Variants in GTF2IRD2 observed in about 807,000 individuals in gnomAD.
GTF2IRD2 encodes general transcription factor II-I repeat domain-containing protein 2A.
Under a neutral mutation model 49.2 loss-of-function variants are expected in GTF2IRD2, and 8 were observed. The ratio of observed to expected loss-of-function variants is 0.16; its 90% CI spans 0.10 to 0.29. The LOEUF (loss-of-function observed/expected upper bound fraction) is 0.29. Among genes scored for constraint, GTF2IRD2 ranks in the 10% least tolerant of loss-of-function variants. The pLI is 1.00. For missense variants in GTF2IRD2, 130 were observed against 725.7 expected, an observed-to-expected ratio of 0.18 and a Z score of 9.43; for synonymous variants, 47 against 289.7, an observed-to-expected ratio of 0.16 and a Z score of 8.51.
At chr7:74,846,568 C>G (rs1801317927) in intron 1 of GTF2IRD2, among the ~76,000 whole-genome samples, 2 of 124,158 alleles carry the variant, frequency 1.6e-5, no homozygotes, top group African/African-American at 3.0e-5. Context: ...TCCCTTACAA[C>G]CTTTCATCAT....
At position 74,796,853 on chromosome 7, in the gene GTF2IRD2, TTC is replaced by T; in HGVS notation, c.2657_2658del (p.Gly886AspfsTer11). 2 of 594,702 alleles carry T rather than the reference TTC, an allele frequency of 3.4e-6. No individual in the cohort carries two copies. The highest frequency in any genetic ancestry group is 6.0e-6 in the Non-Finnish European group (2 of 332,314). 36.8% of individuals were successfully genotyped at this position (594,702 alleles called of 1,614,324 possible). On this transcript the variant is annotated frameshift_variant, in exon 16 of 16. Coordinates refer to ENST00000451013, the MANE Select transcript of GTF2IRD2 (RefSeq NM_173537.5). LOFTEE classifies it high-confidence loss of function. The stretch of plus-strand genomic sequence containing the variant: ...CAGAGGTACTTGTAGAATTCTGGTA[TTC>T]CCACCTTGTCGTATTTCGTCTTCAG... ...TVLKTKYDKVGIPEFYKYLWG... is the reference protein window; with the variant it reads ...TVLKTKYDKVXIPEFYKYLWG...
chr7:74,822,053 T>G (rs1554418716), intron 6 of GTF2IRD2: 5 of 342,232 alleles, frequency 1.5e-5, no homozygotes, highest in East Asian at 7.4e-5. Context: ...CAAGTTTTGT[T>G]TTTTTTTTTT....
In GTF2IRD2 at chr7:74,850,512, G is replaced by A. The variant is rs1801521832; in HGVS notation, c.-6+855C>T. 4.3e-5 allele frequency among the ~76,000 whole-genome samples: 2 copies of A among 46,920 alleles called. 1 individual carries two copies. The highest frequency in any genetic ancestry group is 8.1e-5 in the Non-Finnish European group (2 of 24,664). The allele number at this position is 46,920 out of a possible 152,430, so 30.8% of individuals were successfully genotyped here. On this transcript the variant is annotated intron_variant, in intron 1 of 15. Transcript: ENST00000451013. ...TGGGATGATTCTATCCACACAAAAT[G>A]TCCAGAATAGGCAAATCCACGGAGA...
intron 1 of GTF2IRD2, among the ~76,000 whole-genome samples, chr7:74,839,553 GGGAGA>G (rs1800599947): frequency 1.2e-5 from 1 of 84,718 alleles, no homozygotes; most frequent in Non-Finnish European, 2.2e-5. Flanking sequence ...TAGCATCCCC[GGGAGA>G]GAAAAGGGCG....
intron 2 of GTF2IRD2, 75 bp downstream of exon 2, chr7:74,836,205 T>C: frequency 6.4e-7 from 1 of 1,555,750 alleles, no homozygotes; most frequent in Non-Finnish European, 8.7e-7. Context: ...AAAGGGATAC[T>C]GAAGTGTTTC....
At position 74,797,139 on chromosome 7, in the gene GTF2IRD2, C is replaced by T. The variant is rs201410756; in HGVS notation, c.2373G>A (p.Leu791=). Residue 791 remains leucine (L), a synonymous_variant, in exon 16 of 16, where the codon CTG becomes CTA. Coordinates refer to ENST00000451013, the MANE Select transcript of GTF2IRD2 (RefSeq NM_173537.5). ...TCGTCAAATGAGTCTCCCAGAGGCA[C>T]AGTTTTGCTAGGAACGCCCGGATCA... The part of the protein sequence containing the change: ...YDLIRAFLAK[L]CLWETHLTRN... 2.4e-5 allele frequency: 27 copies of T among 1,140,258 alleles called. No individual in the cohort carries two copies. The highest frequency in any genetic ancestry group is 3.3e-5 in the Non-Finnish European group (25 of 761,728). 70.6% of individuals were successfully genotyped at this position (1,140,258 alleles called of 1,614,324 possible). A position where few individuals can be genotyped will look rare whatever the true frequency, so the allele number is the denominator to read the frequency against.
chr7:74,815,867 A>G (rs1393562116), intron 8 of GTF2IRD2, among the ~76,000 whole-genome samples: 2 of 103,174 alleles, frequency 1.9e-5, no homozygotes, highest in African/African-American at 4.0e-5. Flanking sequence ...AGAAAGAAAG[A>G]GAAAATAAAT....
At chr7:74,818,486 G>T (rs1348641545) in intron 8 of GTF2IRD2, among the ~76,000 whole-genome samples, 1 of 110,478 alleles carries the variant, frequency 9.1e-6, no homozygotes, top group Admixed American at 1.1e-4. Flanking sequence ...TTGAGACAAC[G>T]TCTCTCTCTG....
intron 12 of GTF2IRD2, among the ~76,000 whole-genome samples, chr7:74,806,496 G>A (rs1330342149): frequency 1.3e-5 from 2 of 152,230 alleles, no homozygotes; most frequent in African/African-American, 2.4e-5. Context: ...ATTTTTAGTA[G>A]AGACAGGGTT....
rs879235945 is a variant in GTF2IRD2 at position 74,827,907 on chromosome 7, A to G, written c.239-2855T>C. Among the ~76,000 whole-genome samples the G allele has an allele frequency of 2.5e-3, 60 of 23,626 alleles. 20 individuals are homozygous for G. The highest frequency in any genetic ancestry group is 8.8e-3 in the Admixed American group (13 of 1,480). The allele number at this position is 23,626 out of a possible 152,430, so 15.5% of individuals were successfully genotyped here. A position where few individuals can be genotyped will look rare whatever the true frequency, so the allele number is the denominator to read the frequency against. ...ACGATCTGGGCTCACTGCAACCTCC[A>G]CCTCCCGGGTTCAAGCGATTCTCCT... On this transcript the variant is annotated intron_variant, in intron 3 of 15. Transcript: ENST00000451013.
At chr7:74,826,699 CTTTTTTTTTTTTTTT>C (rs1175596623) in intron 3 of GTF2IRD2, among the ~76,000 whole-genome samples, 8 of 16,600 alleles carry the variant, frequency 4.8e-4, no homozygotes, top group African/African-American at 1.3e-3. Flanking sequence ...TCATTTCATT[CTTTTTTTTTTTTTTT>C]TTTTTTTTTT....
At chr7:74,805,824 GC>G (rs1302069323) in intron 12 of GTF2IRD2, among the ~76,000 whole-genome samples, 1 of 11,904 alleles carries the variant, frequency 8.4e-5, no homozygotes, top group African/African-American at 2.3e-4. Context: ...CACCATGTTG[GC>G]CAGGCTGGTC....
intron 6 of GTF2IRD2, chr7:74,821,939 T>C (rs1157251988): frequency 7.4e-5 from 12 of 161,998 alleles, no homozygotes; most frequent in Admixed American, 6.2e-4. Context: ...AAGGGGGGGA[T>C]ACATCTGCAG....
intron 3 of GTF2IRD2, among the ~76,000 whole-genome samples, chr7:74,830,398 G>T (rs1218018645): frequency 6.7e-6 from 1 of 148,170 alleles, no homozygotes; most frequent in Non-Finnish European, 1.5e-5. Context: ...CAGCTATTTG[G>T]AAGGCTGAGG....
At chr7:74,806,316 A>ATTC (rs1435868910) in intron 12 of GTF2IRD2, among the ~76,000 whole-genome samples, 1 of 133,624 alleles carries the variant, frequency 7.5e-6, no homozygotes, top group African/African-American at 2.7e-5. Context: ...TATTATTATT[A>ATTC]TTTATTTTTT....
Position 74,844,355 on chromosome 7 carries a change from G to GTTTT in GTF2IRD2, c.-6+7008_-6+7011dup, listed in dbSNP as rs782659583. 2.8e-4 allele frequency among the ~76,000 whole-genome samples: 11 copies of GTTTT among 39,774 alleles called. 3 individuals carry two copies. Among genetic ancestry groups the GTTTT allele is most frequent in the Admixed American group, 1.1e-3 (3 of 2,812 alleles). The allele number at this position is 39,774 out of a possible 152,430, so 26.1% of individuals were successfully genotyped here. A position where few individuals can be genotyped will look rare whatever the true frequency, so the allele number is the denominator to read the frequency against. ...GTAAACTAGACTAGATGAGGATTAT[G>GTTTT]TTTTTTTTATTTATTTATTTATTTA... On this transcript the variant is annotated intron_variant, in intron 1 of 15. Transcript: ENST00000451013.
intron 15 of GTF2IRD2, among the ~76,000 whole-genome samples, chr7:74,800,116 T>C (rs1360863503): frequency 8.1e-6 from 1 of 124,202 alleles, no homozygotes; most frequent in Non-Finnish European, 1.6e-5. Flanking sequence ...AATAAATAAA[T>C]AAAGATATTA....
chr7:74,800,350 T>C (rs1488322692), intron 15 of GTF2IRD2, among the ~76,000 whole-genome samples: 3 of 138,304 alleles, frequency 2.2e-5, no homozygotes, highest in Non-Finnish European at 3.1e-5. Context: ...GTAGCTGGGA[T>C]TATAGGCACG....
intron 15 of GTF2IRD2, 77 bp from the exon 16 acceptor site, chr7:74,798,342 TTGA>T: frequency 1.6e-6 from 1 of 612,524 alleles, no homozygotes; most frequent in Non-Finnish European, 3.0e-6. Context: ...CAGCAAATGC[TTGA>T]TGACGCACGA....
Sources: gnomAD v4.1 joint callset for allele counts (sites outside exome capture counted in the v4.1 genomes callset) on GRCh38, gnomAD v4.1.1 for gene constraint, MANE v1.5 for transcripts, NCBI Gene and HGNC (gene_info 2026-07-23, HGNC 2026-07-21) for gene names.